The following OGG1 variants were observed in gnomAD, a reference collection of about 807,000 sequenced individuals.
OGG1 encodes the protein N-glycosylase/DNA lyase.
OGG1 carries 35 observed loss-of-function variants against 42.3 expected under a neutral mutation model. The ratio of observed to expected loss-of-function variants is 0.83; its 90% confidence interval spans 0.63 to 1.10. OGG1 has a LOEUF of 1.10. OGG1 is among the 50% of genes least tolerant of loss of function. OGG1 has a pLI of 0.00. For missense variants in OGG1, 484 were observed against 446.7 expected, an observed-to-expected ratio of 1.08 and a Z score of -0.75; for synonymous variants, 189 against 179.0, an observed-to-expected ratio of 1.06 and a Z score of -0.44.
intron 3 of OGG1, among the ~76,000 whole-genome samples, chr3:9,753,057 A>G (rs1174483427): frequency 6.7e-6 from 1 of 149,956 alleles, no homozygotes; most frequent in Non-Finnish European, 1.5e-5. Context: ...CAAAACAAAC[A>G]AAAAGAAACC....
downstream of OGG1, among the ~76,000 whole-genome samples, chr3:9,771,555 A>G (rs1436094990): frequency 1.3e-5 from 2 of 152,236 alleles, no homozygotes; most frequent in Non-Finnish European, 2.9e-5. Flanking sequence ...GTGTAAACTG[A>G]GACTCAGAGA....
At chr3:9,766,364 T>C in exon 8 of OGG1, 1 of 643,738 alleles carries the variant, frequency 1.6e-6, no homozygotes, top group East Asian at 2.9e-5. Flanking sequence ...TTCATCCCTT[T>C]TTCTGCTAAT....
intron 7 of OGG1, among the ~76,000 whole-genome samples, chr3:9,764,610 C>T (rs1177944955): frequency 2.3e-5 from 3 of 130,310 alleles, no homozygotes; most frequent in African/African-American, 8.6e-5. Context: ...CTGCGCCTGG[C>T]GTTTTTGTTT....
Position 9,749,994 on chromosome 3 carries a change from G to C in OGG1, c.-293G>C. 1 of 481,984 alleles carries C rather than the reference G, an allele frequency of 2.1e-6. No homozygotes were observed. The highest frequency in any genetic ancestry group is 3.5e-5 in the Admixed American group (1 of 28,916). The allele number at this position is 481,984 out of a possible 1,614,324, so 29.9% of individuals were successfully genotyped here. On this transcript the variant is annotated 5_prime_UTR_variant, in exon 1 of 7. Coordinates refer to ENST00000344629, the MANE Select transcript of OGG1 (RefSeq NM_002542.6). ...CCCCTGGAGAACCCAGAAGAACACAGCTGTGCGCGCCCACAGGCTCTGGGG... is the reference window on the plus strand; with the variant it reads ...CCCCTGGAGAACCCAGAAGAACACACCTGTGCGCGCCCACAGGCTCTGGGG...
chr3:9,787,031 T>C (rs746448466), intron 3 of OGG1: 2 of 1,614,204 alleles, frequency 1.2e-6, no homozygotes, highest in African/African-American at 1.3e-5. Context: ...CAGGAGGCGC[T>C]GCGTCAGGGC....
rs186288351 is a variant in OGG1, at chr3:9,772,234, A to G, written c.295-9279A>G. On this transcript the variant is annotated intron_variant, in intron 2 of 3. Transcript: ENST00000426518. ...TTATCTTTACTTTCTTAGTATTTCT[A>G]TTGAACAAGTGATACATGGTCATTG... Among the ~76,000 whole-genome samples, 20 of 152,266 alleles carry G rather than the reference A, an allele frequency of 1.3e-4. 1 individual carries two copies. Among genetic ancestry groups the G allele is most frequent in the East Asian group, 9.7e-4 (5 of 5,180 alleles).
chr3:9,784,369 T>A (rs555766272), intron 3 of OGG1, among the ~76,000 whole-genome samples: 3 of 152,172 alleles, frequency 2.0e-5, no homozygotes, highest in Admixed American at 2.0e-4. Context: ...GACAGACACA[T>A]CTGGTCTGGT....
downstream of OGG1, chr3:9,789,883 G>C (rs775072173): frequency 8.1e-6 from 13 of 1,614,152 alleles, no homozygotes; most frequent in Admixed American, 6.7e-5. Flanking sequence ...TCCCATGTTT[G>C]GGGGGAGCTC....
At position 9,757,120 on chromosome 3, in the gene OGG1, C is replaced by G; in HGVS notation, c.1008C>G (p.Arg336=). ...ATGCTCAGGAGCCACCAGCAAAGCG[C>G]AGAAAGGGTTCCAAAGGGCCGGAAG... is the stretch of plus-strand genomic sequence containing the variant. ...SRHAQEPPAK[R]RKGSKGPEG is the part of the protein sequence containing the mutation. Residue 336 remains arginine (R), a synonymous_variant, in exon 7 of 7, where the codon CGC becomes CGG. Coordinates refer to ENST00000344629, the MANE Select transcript of OGG1 (RefSeq NM_002542.6). The surrounding 1 kb of genome is among the most constrained non-coding windows in gnomAD (Gnocchi z 4.5). 6.2e-7 allele frequency: 1 copy of G among 1,614,146 alleles called. No homozygotes were observed. Among genetic ancestry groups the G allele is most frequent in the Non-Finnish European group, 8.5e-7 (1 of 1,180,022 alleles).
At position 9,757,354 on chromosome 3, in the gene OGG1, A is replaced by C; in HGVS notation, c.*204A>C. 1.2e-6 allele frequency: 2 copies of C among 1,614,086 alleles called. No individual in the cohort carries two copies. The highest frequency in any genetic ancestry group is 1.7e-6 in the Non-Finnish European group (2 of 1,179,990). On this transcript the variant is annotated 3_prime_UTR_variant, in exon 7 of 7. Coordinates refer to ENST00000344629, the MANE Select transcript of OGG1 (RefSeq NM_002542.6). This position sits in a 1 kb window ranked among gnomAD's most constrained non-coding sequence, Gnocchi z 4.5. ...GGGAGACAGCGCTAAGGATGGTTTT[A>C]TCTTCCCTTTATTACAAGAAGGAAC... is the stretch of plus-strand genomic sequence containing the variant.
downstream of OGG1, chr3:9,767,817 C>T (rs527823079): frequency 6.8e-5 from 108 of 1,592,286 alleles, no homozygotes; most frequent in South Asian, 1.1e-3. Flanking sequence ...CTCAGCAGAG[C>T]CCAGCCCTCT....
chr3:9,753,889 C>T (rs1475286880), intron 3 of OGG1, among the ~76,000 whole-genome samples: 3 of 152,182 alleles, frequency 2.0e-5, no homozygotes, highest in Non-Finnish European at 4.4e-5. Flanking sequence ...GTAATTTCAG[C>T]ACTTTTGGGA....
At chr3:9,785,729 T>C (rs538247466) in intron 3 of OGG1, among the ~76,000 whole-genome samples, 5 of 152,362 alleles carry the variant, frequency 3.3e-5, no homozygotes, top group African/African-American at 1.2e-4. Flanking sequence ...CTAGGCCTGC[T>C]GTGGCGGAGA....
At chr3:9,753,955 TAGTG>T (rs1454327677) in intron 3 of OGG1, among the ~76,000 whole-genome samples, 3 of 152,032 alleles carry the variant, frequency 2.0e-5, no homozygotes, top group Non-Finnish European at 2.9e-5. Context: ...CTGGGCAACA[TAGTG>T]AGACCTCATC....
At chr3:9,752,010 T>C in intron 3 of OGG1, 61 bp downstream of exon 3, 1 of 1,523,492 alleles carries the variant, frequency 6.6e-7, no homozygotes, top group African/African-American at 1.4e-5. Context: ...TGTTCATTTC[T>C]CCCCTGGTTA....
intron 3 of OGG1, chr3:9,785,554 A>C: frequency 1.6e-6 from 1 of 644,218 alleles, no homozygotes; most frequent in South Asian, 2.1e-5. Flanking sequence ...CTACCGTGGG[A>C]AGCCTTCCCA....
chr3:9,756,402 G>A, intron 4 of OGG1, 69 bp from the exon 5 acceptor site: 2 of 1,546,012 alleles, frequency 1.3e-6, no homozygotes, highest in Non-Finnish European at 1.8e-6. Context: ...GCCGGCTTTG[G>A]GGCTATAAGC....
intron 7 of OGG1, chr3:9,762,971 C>A: frequency 6.2e-7 from 1 of 1,614,166 alleles, no homozygotes. Flanking sequence ...CATCCAGCAC[C>A]TGGAAGATGA....
intron 2 of OGG1, chr3:9,779,762 A>G (rs968500337): frequency 2.6e-5 from 4 of 152,170 alleles, no homozygotes; most frequent in African/African-American, 9.7e-5. Context: ...ACATTTCCTT[A>G]CTGTGAATCC....
Sources: gnomAD v4.1 joint callset for allele counts (sites outside exome capture counted in the v4.1 genomes callset) on GRCh38, gnomAD v4.1.1 for gene constraint, Gnocchi (gnomAD v3.1) non-coding constraint, MANE v1.5 for transcripts, NCBI Gene and HGNC (gene_info 2026-07-23, HGNC 2026-07-21) for gene names.